PCDHGB4: variants seen among roughly 807,000 people sequenced by gnomAD.
PCDHGB4 encodes the protein protocadherin gamma-B4.
Under a neutral mutation model 60.5 loss-of-function variants are expected in PCDHGB4, and 38 were observed. The ratio of observed to expected loss-of-function variants is 0.63; its 90% CI spans 0.48 to 0.82. PCDHGB4 has a LOEUF of 0.82. PCDHGB4 is among the 40% of genes least tolerant of loss of function. The probability of loss-of-function intolerance (pLI) is 0.00; values close to 1 mark genes in which losing one functional copy is unlikely to be tolerated. For synonymous variants in PCDHGB4, 456 were observed against 509.7 expected (o/e 0.89, Z 1.42); for missense variants, 1,109 against 1,209.6 (o/e 0.92, Z 1.23).
Position 141,392,773 on chromosome 5 carries a change from G to A in PCDHGB4, c.2397+2492G>A, listed in dbSNP as rs767754110. Reference sequence around the variant, plus strand: ...AAGAAACTAAATAAGACCCATTTATGCACAGTGAAGATTCTGAGAGGATTC... The same window carrying A: ...AAGAAACTAAATAAGACCCATTTATACACAGTGAAGATTCTGAGAGGATTC... On this transcript the variant is annotated intron_variant, in intron 1 of 3. Transcript: ENST00000519479. 4 of 1,518,312 alleles carry A rather than the reference G, an allele frequency of 2.6e-6. No homozygotes were observed. In the African/African-American group the frequency reaches 5.6e-5, roughly 21 times the overall value. The allele number at this position is 1,518,312 out of a possible 1,614,324, so 94.1% of individuals were successfully genotyped here.
chr5:141,421,838 A>G (rs2096604619), intron 1 of PCDHGB4: 1 of 1,613,764 alleles, frequency 6.2e-7, no homozygotes, highest in East Asian at 2.2e-5. Flanking sequence ...CTGGACCGAG[A>G]GAAAGAGGCT....
At position 141,432,459 on chromosome 5, in the gene PCDHGB4, T is replaced by A. The variant is rs1230209932; in HGVS notation, c.2397+42178T>A. The A allele has an allele frequency of 1.2e-6, 2 of 1,613,984 alleles. No homozygotes were observed. Among genetic ancestry groups the A allele is most frequent in the South Asian group, 1.1e-5 (1 of 91,082 alleles). ...GCGCCCGAGATCCTGTACCCCGCCCTCCCCACGGACGGTTCCACTGGCGTG... is the reference window on the plus strand; with the variant it reads ...GCGCCCGAGATCCTGTACCCCGCCCACCCCACGGACGGTTCCACTGGCGTG... On this transcript the variant is annotated intron_variant, in intron 1 of 3. Transcript: ENST00000519479. The surrounding 1 kb of genome is among the most constrained non-coding windows in gnomAD (Gnocchi z 6.0).
rs2096370584 is a variant in PCDHGB4 at position 141,419,372 on chromosome 5, G to A, written c.2397+29091G>A. On this transcript the variant is annotated intron_variant, in intron 1 of 3. Coordinates refer to ENST00000519479, the MANE Select transcript of PCDHGB4 (RefSeq NM_003736.4). The stretch of plus-strand genomic sequence containing the variant: ...GGAGTCACGAACGCTGTCGTCCTAC[G>A]TGTCCGTGAGCGCGCAGAGCGGGGT... 2 of 1,613,728 alleles carry A rather than the reference G, an allele frequency of 1.2e-6. No homozygotes were observed. Among genetic ancestry groups the A allele is most frequent in the South Asian group, 1.1e-5 (1 of 91,088 alleles).
At chr5:141,395,177 T>C in intron 1 of PCDHGB4, 2 of 1,614,120 alleles carry the variant, frequency 1.2e-6, no homozygotes, top group South Asian at 2.2e-5. Flanking sequence ...GTGAGAAAAA[T>C]GATTCTTTGT....
intron 1 of PCDHGB4, among the ~76,000 whole-genome samples, chr5:141,445,920 A>C (rs1343777309): frequency 6.6e-6 from 1 of 152,212 alleles, no homozygotes; most frequent in African/African-American, 2.4e-5. Context: ...GGCAGTGACA[A>C]GATATTTGAA....
At chr5:141,393,322 A>C (rs780040037) in intron 1 of PCDHGB4, 21 of 1,611,334 alleles carry the variant, frequency 1.3e-5, no homozygotes, top group Middle Eastern at 1.6e-4. Context: ...CTCCAGAGCT[A>C]CCAGCTCAGC....
chr5:141,400,376 T>C (rs534277122), intron 1 of PCDHGB4: 1 of 1,614,070 alleles, frequency 6.2e-7, no homozygotes, highest in East Asian at 2.2e-5. Flanking sequence ...TCCTACAACC[T>C]ATGTGTTGCA....
At chr5:141,440,770 G>A (rs2098199385) in intron 1 of PCDHGB4, 1 of 152,176 alleles carries the variant, frequency 6.6e-6, no homozygotes, top group African/African-American at 2.4e-5. Flanking sequence ...CCATCCCTTA[G>A]TGCTAGCAGC....
At chr5:141,497,595 A>C (rs973413640) in intron 2 of PCDHGB4, among the ~76,000 whole-genome samples, 1 of 147,414 alleles carries the variant, frequency 6.8e-6, no homozygotes, top group East Asian at 2.0e-4. Context: ...GCTGGAGTGC[A>C]GTGGTGCGAT....
chr5:141,429,389 A>ATTT (rs1561841246), intron 1 of PCDHGB4, among the ~76,000 whole-genome samples: 155 of 147,652 alleles, frequency 1.0e-3, no homozygotes, highest in African/African-American at 3.7e-3. Flanking sequence ...TTTTTTTTTA[A>ATTT]AAAAAATTGA....
chr5:141,476,716 C>T lies in PCDHGB4; in HGVS notation c.2398-18091C>T. On this transcript the variant is annotated intron_variant, in intron 1 of 3. Transcript: ENST00000519479. This position sits in a 1 kb window ranked among gnomAD's most constrained non-coding sequence, Gnocchi z 7.6. ...AGTACGCGGAGCTGGTGTTGGAGCG[C>T]GCCCTGGACCGAGAACGGGAGCCTA... 15 of 1,614,148 alleles carry T rather than the reference C, an allele frequency of 9.3e-6. No homozygotes were observed. The highest frequency in any genetic ancestry group is 1.3e-5 in the Non-Finnish European group (15 of 1,180,036).
intron 1 of PCDHGB4, among the ~76,000 whole-genome samples, chr5:141,458,101 G>C (rs530847477): frequency 3.3e-5 from 5 of 152,200 alleles, no homozygotes; most frequent in Non-Finnish European, 7.4e-5. Flanking sequence ...AGTACTTACA[G>C]ATAGTCTCCA....
In PCDHGB4 at chr5:141,505,090, A is replaced by C. The variant is rs1018571873; in HGVS notation, c.2457-303A>C. Among the ~76,000 whole-genome samples the C allele has an allele frequency of 3.9e-5, 6 of 152,188 alleles. 1 individual carries two copies. The South Asian group carries it at 1.2e-3, about 31-fold the overall frequency. ...GGCAGGAGAATCGCTTGAACCCAGG[A>C]GGTGGATGTTGCAATGAGCCAAGAT... On this transcript the variant is annotated intron_variant, in intron 2 of 3. Transcript: ENST00000519479.
At chr5:141,450,957 T>G (rs2154563418) in intron 1 of PCDHGB4, among the ~76,000 whole-genome samples, 1 of 152,010 alleles carries the variant, frequency 6.6e-6, no homozygotes, top group Non-Finnish European at 1.5e-5. Context: ...CCCAAGTAGC[T>G]GGGATTACAG....
At chr5:141,407,703 G>T (rs1016806853) in intron 1 of PCDHGB4, among the ~76,000 whole-genome samples, 1 of 152,096 alleles carries the variant, frequency 6.6e-6, no homozygotes, top group Admixed American at 6.6e-5. Context: ...ATTGTTGAAG[G>T]TGGGGTGATG....
At chr5:141,508,859 G>C (rs1268915304) in intron 3 of PCDHGB4, among the ~76,000 whole-genome samples, 1 of 152,086 alleles carries the variant, frequency 6.6e-6, no homozygotes, top group Non-Finnish European at 1.5e-5. Flanking sequence ...CCCAGGCTGG[G>C]AAAGGCTGAA....
chr5:141,428,376 A>G (rs2097136159), intron 1 of PCDHGB4: 2 of 528,068 alleles, frequency 3.8e-6, no homozygotes, highest in African/African-American at 1.9e-5. Flanking sequence ...TGCACCTGCG[A>G]TGCTCTTCCA....
intron 1 of PCDHGB4, chr5:141,413,638 C>T (rs768604791): frequency 4.8e-5 from 78 of 1,613,686 alleles, no homozygotes; most frequent in Middle Eastern, 1.6e-4. Flanking sequence ...TGCGGGAATG[C>T]GTTTTCCTCT....
intron 3 of PCDHGB4, chr5:141,507,291 T>A (rs956764262): frequency 3.4e-5 from 5 of 147,704 alleles, no homozygotes; most frequent in African/African-American, 5.1e-5. Flanking sequence ...CAGTCTCAAA[T>A]GTTGCATGAG....
Sources: gnomAD v4.1 joint callset for allele counts (sites outside exome capture counted in the v4.1 genomes callset) on GRCh38, gnomAD v4.1.1 for gene constraint, Gnocchi (gnomAD v3.1) non-coding constraint, MANE v1.5 for transcripts, NCBI Gene and HGNC (gene_info 2026-07-23, HGNC 2026-07-21) for gene names.